Variants in C1QTNF1 observed in about 807,000 individuals in gnomAD.
C1QTNF1 encodes C1q and TNF related 1, also known as complement C1q tumor necrosis factor-related protein 1.
C1QTNF1 carries 22 observed loss-of-function variants against 27.8 expected under a neutral mutation model. The ratio of observed to expected loss-of-function variants is 0.79; its 90% CI spans 0.56 to 1.13. The LOEUF is 1.13. Ranked by LOEUF, C1QTNF1 falls within the 50% of genes most tolerant of loss-of-function variation. The probability of loss-of-function intolerance (pLI) is 0.00; values close to 1 mark genes in which losing one functional copy is unlikely to be tolerated. For synonymous variants in C1QTNF1, 166 were observed against 154.3 expected (o/e 1.08, Z -0.56); for missense variants, 373 against 380.2 (o/e 0.98, Z 0.16).
rs781282070 is a variant in C1QTNF1 at position 79,046,669 on chromosome 17, C to T, written c.270C>T (p.Pro90=). The T allele has an allele frequency of 6.2e-7, 1 of 1,614,104 alleles. No homozygotes were observed. Among genetic ancestry groups the T allele is most frequent in the Non-Finnish European group, 8.5e-7 (1 of 1,180,050 alleles). ...GTSMYPATAV[P]QINITILKGE... ...CCATGTACCCGGCGACCGCCGTGCC[C>T]CAGATCAACATCACTATCTTGAAAG... The change falls in exon 3 of 4, where the codon CCC becomes CCT. Residue 90 remains proline (P), a synonymous_variant. Transcript: ENST00000579760. The surrounding 1 kb of genome is among the most constrained non-coding windows in gnomAD (Gnocchi z 4.8).
intron 1 of C1QTNF1, among the ~76,000 whole-genome samples, chr17:79,025,438 C>G (rs1372803808): frequency 6.6e-6 from 1 of 152,160 alleles, no homozygotes; most frequent in Non-Finnish European, 1.5e-5. Context: ...TTCTACCCCA[C>G]CTAGTTTCTA....
chr17:79,032,088 A>G (rs1038689278), intron 1 of C1QTNF1, among the ~76,000 whole-genome samples: 1 of 152,164 alleles, frequency 6.6e-6, no homozygotes, highest in Non-Finnish European at 1.5e-5. Flanking sequence ...GATGCCTGAG[A>G]AATGAGATGG....
rs747182827 is a variant in C1QTNF1, at chr17:79,048,131, C to A, written c.*43C>A. 3.4e-6 allele frequency: 5 copies of A among 1,489,344 alleles called. No individual in the cohort carries two copies. Among genetic ancestry groups the A allele is most frequent in the Non-Finnish European group, 4.4e-6 (5 of 1,125,698 alleles). 92.3% of individuals were successfully genotyped at this position (1,489,344 alleles called of 1,614,324 possible). A position where few individuals can be genotyped will look rare whatever the true frequency, so the allele number is the denominator to read the frequency against. Reference sequence around the variant, plus strand: ...TTCCTCTCGCCACCTTCCACCCCTGCGCTGTGCTGACCCCACCGCCTCTTC... The same window carrying A: ...TTCCTCTCGCCACCTTCCACCCCTGAGCTGTGCTGACCCCACCGCCTCTTC... On this transcript the variant is annotated 3_prime_UTR_variant, in exon 4 of 4. Transcript: ENST00000579760.
chr17:79,048,980 G>C lies in C1QTNF1; in HGVS notation c.*892G>C, dbSNP rs563140994. The C allele has an allele frequency of 1.3e-5, 2 of 152,142 alleles. No homozygotes were observed. The highest frequency in any genetic ancestry group is 4.1e-4 in the South Asian group (2 of 4,826). The allele number at this position is 152,142 out of a possible 1,614,324, so 9.4% of individuals were successfully genotyped here. On this transcript the variant is annotated 3_prime_UTR_variant, in exon 4 of 4. Transcript: ENST00000579760. ...TCTCCATGCCTGCCACCCTGGCATC[G>C]GCTTTCTGTGCCGCCTCCCACACAA...
intron 1 of C1QTNF1, among the ~76,000 whole-genome samples, chr17:79,033,068 CAAA>C (rs58305899): frequency 0.22 from 17,404 of 79,180 alleles, 1,176 homozygotes; most frequent in Middle Eastern, 0.26. Flanking sequence ...AACTCTGTCT[CAAA>C]AAAAAAAAAA....
chr17:79,045,497 C>T (rs1463051957), intron 2 of C1QTNF1, among the ~76,000 whole-genome samples: 1 of 152,108 alleles, frequency 6.6e-6, no homozygotes, highest in South Asian at 2.1e-4. Context: ...AAGTGAGAGT[C>T]GAAATGGCAG....
chr17:79,031,380 G>T (rs191770798), intron 1 of C1QTNF1, among the ~76,000 whole-genome samples: 261 of 152,240 alleles, frequency 1.7e-3, no homozygotes, highest in Middle Eastern at 6.8e-3. Flanking sequence ...CCCTATTGCT[G>T]ATTTCACCAC....
In C1QTNF1 at chr17:79,046,611, C is replaced by T. The variant is rs1429981839; in HGVS notation, c.212C>T (p.Ser71Phe). ...AGTCAGGACCAGGGGCTCCCTGCTT[C>T]CCGGTGCTTGCGCTGCTGTGACCCC... The part of the protein sequence containing the change: ...RPSQDQGLPA[S>F]RCLRCCDPGT... Residue 71 changes from serine to phenylalanine, a missense_variant, in exon 3 of 4, where the codon TCC becomes TTC. Coordinates refer to ENST00000579760, the MANE Select transcript of C1QTNF1 (RefSeq NM_030968.5). The surrounding 1 kb of genome is among the most constrained non-coding windows in gnomAD (Gnocchi z 4.8). 1 of 1,614,244 alleles carries T rather than the reference C, an allele frequency of 6.2e-7. No homozygotes were observed. Among genetic ancestry groups the T allele is most frequent in the East Asian group, 2.2e-5 (1 of 44,888 alleles).
At chr17:79,043,685 AGT>A (rs141615731) in intron 1 of C1QTNF1, 16,140 of 571,286 alleles carry the variant, frequency 0.028, 822 homozygotes, top group African/African-American at 0.17. Flanking sequence ...ATGTGTGTTG[AGT>A]GTGTGCATGT....
chr17:79,033,089 G>T (rs1471577345), intron 1 of C1QTNF1, among the ~76,000 whole-genome samples: 1 of 144,310 alleles, frequency 6.9e-6, no homozygotes, highest in Non-Finnish European at 1.5e-5. Flanking sequence ...AAAAAAAAAA[G>T]TCTTAGCGCA....
Position 79,033,398 on chromosome 17 carries a change from T to C in C1QTNF1, c.-15+8904T>C, listed in dbSNP as rs117226592. On this transcript the variant is annotated intron_variant, in intron 1 of 3. Transcript: ENST00000579760. ...GGAATGGGGCATTGTCAGCTGAAGA[T>C]GTGGTGTGGACCAGGACAGGCAGAA... Among the ~76,000 whole-genome samples, 395 of 152,216 alleles carry C rather than the reference T, an allele frequency of 2.6e-3. 4 individuals are homozygous for C. Among genetic ancestry groups the C allele is most frequent in the Middle Eastern group, 0.014 (4 of 294 alleles).
At chr17:79,029,829 C>T (rs1293915434) in intron 1 of C1QTNF1, among the ~76,000 whole-genome samples, 1 of 152,172 alleles carries the variant, frequency 6.6e-6, no homozygotes, top group Non-Finnish European at 1.5e-5. Context: ...CTGTGCTGTT[C>T]CTGGTCCTAA....
rs1434569578 is a variant in C1QTNF1 at position 79,048,663 on chromosome 17, G to C, written c.*575G>C. ...AAGCCACGTAGGAACTTTCTTGAGG[G>C]ATAGGTGGACCCTGACATCCCTGTG... On this transcript the variant is annotated 3_prime_UTR_variant, in exon 4 of 4. Transcript: ENST00000579760. 2 of 152,294 alleles carry C rather than the reference G, an allele frequency of 1.3e-5. No homozygotes were observed. Among genetic ancestry groups the C allele is most frequent in the African/African-American group, 4.8e-5 (2 of 41,452 alleles). The allele number at this position is 152,294 out of a possible 1,614,324, so 9.4% of individuals were successfully genotyped here.
chr17:79,027,659 A>G (rs1472992506), intron 1 of C1QTNF1: 1 of 152,270 alleles, frequency 6.6e-6, no homozygotes, highest in Non-Finnish European at 1.5e-5. Context: ...GTTCTCTGGG[A>G]GAGGCATGCG....
At chr17:79,031,934 G>A (rs2072149352) in intron 1 of C1QTNF1, among the ~76,000 whole-genome samples, 1 of 152,242 alleles carries the variant, frequency 6.6e-6, no homozygotes, top group African/African-American at 2.4e-5. Context: ...TTGGATCTCT[G>A]TGTCCCCAGC....
At chr17:79,039,523 C>T (rs1019481868) in intron 1 of C1QTNF1, among the ~76,000 whole-genome samples, 1 of 152,134 alleles carries the variant, frequency 6.6e-6, no homozygotes, top group Non-Finnish European at 1.5e-5. Flanking sequence ...TGTGGAGGCA[C>T]ACGCATATAA....
intron 1 of C1QTNF1, among the ~76,000 whole-genome samples, chr17:79,043,137 G>GTGTGCATA (rs2072461890): frequency 6.6e-6 from 1 of 150,732 alleles, no homozygotes; most frequent in Non-Finnish European, 1.5e-5. Flanking sequence ...GTGTGTGCAT[G>GTGTGCATA]TTGGATTGCA....
At position 79,048,626 on chromosome 17, in the gene C1QTNF1, C is replaced by T. The variant is rs2072668972; in HGVS notation, c.*538C>T. 6.6e-6 allele frequency: 1 copy of T among 152,590 alleles called. No individual in the cohort carries two copies. The highest frequency in any genetic ancestry group is 1.5e-5 in the Non-Finnish European group (1 of 68,338). The allele number at this position is 152,590 out of a possible 1,614,324, so 9.5% of individuals were successfully genotyped here. On this transcript the variant is annotated 3_prime_UTR_variant, in exon 4 of 4. Coordinates refer to ENST00000579760, the MANE Select transcript of C1QTNF1 (RefSeq NM_030968.5). Reference sequence around the variant, plus strand: ...GCCGGGGGCAGGAAACTACCTCTGGCTTAATTCTTTTAAGCCACGTAGGAA... The same window carrying T: ...GCCGGGGGCAGGAAACTACCTCTGGTTTAATTCTTTTAAGCCACGTAGGAA...
chr17:79,028,600 C>T (rs2072040356), intron 1 of C1QTNF1, among the ~76,000 whole-genome samples: 1 of 152,228 alleles, frequency 6.6e-6, no homozygotes, highest in African/African-American at 2.4e-5. Flanking sequence ...GGGGAGCCCC[C>T]TCCTCCATGA....
Sources: allele counts gnomAD v4.1 joint callset (sites outside exome capture counted in the v4.1 genomes callset), GRCh38; gene constraint gnomAD v4.1.1; non-coding constraint Gnocchi (gnomAD v3.1); transcripts MANE v1.5; gene names NCBI Gene and HGNC (gene_info 2026-07-23, HGNC 2026-07-21).